LSM11: variants seen among roughly 807,000 people sequenced by gnomAD.
LSM11 encodes LSM11, U7 small nuclear RNA associated, also known as U7 snRNA-associated Sm-like protein LSm11.
LSM11 carries 14 observed loss-of-function variants against 28.1 expected under a neutral mutation model. That is an observed-to-expected ratio of 0.50 (90% CI 0.33 to 0.78). The LOEUF (loss-of-function observed/expected upper bound fraction) is 0.78, where lower values mean the gene tolerates loss of function less well. Ranked by LOEUF, LSM11 falls within the 30% of genes least tolerant of loss-of-function variation. LSM11 has a pLI of 0.02. For missense variants in LSM11, 495 were observed against 510.6 expected (o/e 0.97, Z 0.30); for synonymous variants, 207 against 214.2 (o/e 0.97, Z 0.30).
At chr5:157,752,418 C>T (rs1316393761) in intron 2 of LSM11, among the ~76,000 whole-genome samples, 1 of 152,022 alleles carries the variant, frequency 6.6e-6, no homozygotes, top group African/African-American at 2.4e-5. Context: ...GCATGAGCCA[C>T]TGCGCCCGGC....
Position 157,757,657 on chromosome 5 carries a change from A to G in LSM11, c.*2393A>G, listed in dbSNP as rs1252310739. The G allele has an allele frequency of 6.6e-6, 1 of 152,186 alleles. No homozygotes were observed. The highest frequency in any genetic ancestry group is 6.5e-5 in the Admixed American group (1 of 15,278). The allele number at this position is 152,186 out of a possible 1,614,324, so 9.4% of individuals were successfully genotyped here. On this transcript the variant is annotated 3_prime_UTR_variant, in exon 4 of 4. Coordinates refer to ENST00000286307, the MANE Select transcript of LSM11 (RefSeq NM_173491.4). ...GTGTATCTGAAATCTCAGTTCCCAA[A>G]ATAGTTGTCAGGTTTAATCATCAGG...
rs1369749439 is a variant in LSM11 at position 157,760,338 on chromosome 5, T to C, written c.*5074T>C. 2 of 152,234 alleles carry C rather than the reference T, an allele frequency of 1.3e-5. No individual in the cohort carries two copies. Among genetic ancestry groups the C allele is most frequent in the African/African-American group, 4.8e-5 (2 of 41,456 alleles). 9.4% of individuals were successfully genotyped at this position (152,234 alleles called of 1,614,324 possible). On this transcript the variant is annotated 3_prime_UTR_variant, in exon 4 of 4. Transcript: ENST00000286307. ...GGTAGCTGTCCACTTCTTTTTCTGT[T>C]GTCCTGACAGTAAAGCAAATAGTAA...
chr5:157,749,869 A>G lies in LSM11; in HGVS notation c.449-1521A>G, dbSNP rs978154566. 3.9e-5 allele frequency among the ~76,000 whole-genome samples: 6 copies of G among 152,214 alleles called. No homozygotes were observed. In the East Asian group the frequency reaches 1.2e-3, roughly 29 times the overall value. The stretch of plus-strand genomic sequence containing the variant: ...TTATAAGCCAATCCATGACAGAGGG[A>G]TAAGGTGGCTTCAGGAGGAACCAAT... On this transcript the variant is annotated intron_variant, in intron 1 of 3. Coordinates refer to ENST00000286307, the MANE Select transcript of LSM11 (RefSeq NM_173491.4).
At chr5:157,746,996 G>A (rs1181006855) in intron 1 of LSM11, among the ~76,000 whole-genome samples, 3 of 152,156 alleles carry the variant, frequency 2.0e-5, no homozygotes, top group Admixed American at 1.3e-4. Context: ...AAGGTTTTTC[G>A]TCATCATTAA....
rs1761320012 is a variant in LSM11 at position 157,755,962 on chromosome 5, A to G, written c.*698A>G. 2.9e-6 allele frequency: 1 copy of G among 350,198 alleles called. No individual in the cohort carries two copies. The highest frequency in any genetic ancestry group is 2.1e-5 in the African/African-American group (1 of 47,514). 21.7% of individuals were successfully genotyped at this position (350,198 alleles called of 1,614,324 possible). A position where few individuals can be genotyped will look rare whatever the true frequency, so the allele number is the denominator to read the frequency against. On this transcript the variant is annotated 3_prime_UTR_variant, in exon 4 of 4. Coordinates refer to ENST00000286307, the MANE Select transcript of LSM11 (RefSeq NM_173491.4). ...AGGTAGCCTCTGCAAATGGCATACC[A>G]GATGGGACTCTAAGATGCTTGTGTG...
At chr5:157,745,662 G>A (rs1363053622) in intron 1 of LSM11, among the ~76,000 whole-genome samples, 1 of 152,138 alleles carries the variant, frequency 6.6e-6, no homozygotes, top group Non-Finnish European at 1.5e-5. Flanking sequence ...TCCCTATAGA[G>A]CACTTTACTG....
chr5:157,746,143 T>G (rs1376644889), intron 1 of LSM11, among the ~76,000 whole-genome samples: 1 of 151,370 alleles, frequency 6.6e-6, no homozygotes, highest in Non-Finnish European at 1.5e-5. Context: ...TTTAAAAAAA[T>G]ATATGCCTAC....
rs376928999 is a variant in LSM11, at chr5:157,751,451, T to C, written c.510T>C (p.Asn170=). The change falls in exon 2 of 4, where the codon AAT becomes AAC. Residue 170 remains asparagine, a synonymous_variant. Transcript: ENST00000286307. ...GTATCCGTGAGGGGGTGAAGGTGAA[T>C]GTTCACATCCGCACTTTCAAGGGAC... ...HRCIREGVKV[N]VHIRTFKGLR... 115 of 1,612,562 alleles carry C rather than the reference T, an allele frequency of 7.1e-5. No individual in the cohort carries two copies. Among genetic ancestry groups the C allele is most frequent in the Non-Finnish European group, 9.0e-5 (106 of 1,179,494 alleles).
chr5:157,750,772 T>C (rs935258052), intron 1 of LSM11, among the ~76,000 whole-genome samples: 9 of 152,170 alleles, frequency 5.9e-5, no homozygotes, highest in Admixed American at 4.6e-4. Flanking sequence ...ATTTAATGTT[T>C]GCGTGCCCGT....
rs975378515 is a variant in LSM11, at chr5:157,760,309, C to T, written c.*5045C>T. The stretch of plus-strand genomic sequence containing the variant: ...GGCTGAATTATGTGTGAGCTAGAAT[C>T]TAGGGTAGCTGTCCACTTCTTTTTC... On this transcript the variant is annotated 3_prime_UTR_variant, in exon 4 of 4. Coordinates refer to ENST00000286307, the MANE Select transcript of LSM11 (RefSeq NM_173491.4). 1.3e-5 allele frequency: 2 copies of T among 152,178 alleles called. No homozygotes were observed. The highest frequency in any genetic ancestry group is 2.9e-5 in the Non-Finnish European group (2 of 68,054). 9.4% of individuals were successfully genotyped at this position (152,178 alleles called of 1,614,324 possible).
At chr5:157,753,147 G>C (rs937229272) in intron 2 of LSM11, among the ~76,000 whole-genome samples, 9 of 152,212 alleles carry the variant, frequency 5.9e-5, no homozygotes, top group Non-Finnish European at 1.3e-4. Flanking sequence ...GTAAGTGGAA[G>C]TGCCAAACTT....
intron 3 of LSM11, among the ~76,000 whole-genome samples, 162 bp from the exon 4 acceptor site, chr5:157,754,692 C>CAAA (rs34644413): frequency 6.6e-5 from 6 of 90,246 alleles, no homozygotes; most frequent in Admixed American, 1.3e-4. Flanking sequence ...ACTCCGTCTC[C>CAAA]AAAAAAAAAA....
intron 1 of LSM11, among the ~76,000 whole-genome samples, chr5:157,748,197 G>A (rs916528130): frequency 6.6e-6 from 1 of 152,160 alleles, no homozygotes; most frequent in Non-Finnish European, 1.5e-5. Flanking sequence ...AGACTCATAA[G>A]GTGACTGTTA....
chr5:157,743,725 G>A lies in LSM11; in HGVS notation c.-26G>A, dbSNP rs966341623. Reference sequence around the variant, plus strand: ...GGCGGCTTCGTTCCTTCTTCCCATCGGCCTCGGCTTGCGGGCCTTTCAAAC... The same window carrying A: ...GGCGGCTTCGTTCCTTCTTCCCATCAGCCTCGGCTTGCGGGCCTTTCAAAC... On this transcript the variant is annotated 5_prime_UTR_variant, in exon 1 of 4. Transcript: ENST00000286307. 1 of 1,318,394 alleles carries A rather than the reference G, an allele frequency of 7.6e-7. No homozygotes were observed. Among genetic ancestry groups the A allele is most frequent in the Non-Finnish European group, 9.7e-7 (1 of 1,031,652 alleles). 81.7% of individuals were successfully genotyped at this position (1,318,394 alleles called of 1,614,324 possible).
chr5:157,749,584 G>GCGCGCGCA (rs1554095378), intron 1 of LSM11, among the ~76,000 whole-genome samples: 11 of 56,288 alleles, frequency 2.0e-4, no homozygotes, highest in African/African-American at 7.1e-4. Flanking sequence ...GCGCGCGCAC[G>GCGCGCGCA]CGCGCACACA....
intron 1 of LSM11, among the ~76,000 whole-genome samples, chr5:157,748,929 T>C (rs1267639706): frequency 6.6e-6 from 1 of 152,210 alleles, no homozygotes; most frequent in Non-Finnish European, 1.5e-5. Context: ...ACCTGACTCA[T>C]ATCCATTTGG....
chr5:157,747,197 T>TA (rs1227271143), intron 1 of LSM11, among the ~76,000 whole-genome samples: 1 of 152,216 alleles, frequency 6.6e-6, no homozygotes, highest in Admixed American at 6.5e-5. Context: ...GCACCATACC[T>TA]AGCCCACGGT....
chr5:157,744,132 G>A lies in LSM11; in HGVS notation c.382G>A (p.Gly128Arg). 2.0e-6 allele frequency: 3 copies of A among 1,471,888 alleles called. No homozygotes were observed. Among genetic ancestry groups the A allele is most frequent in the Non-Finnish European group, 1.8e-6 (2 of 1,114,910 alleles). The allele number at this position is 1,471,888 out of a possible 1,614,324, so 91.2% of individuals were successfully genotyped here. A position where few individuals can be genotyped will look rare whatever the true frequency, so the allele number is the denominator to read the frequency against. The change falls in exon 1 of 4, where the codon GGA becomes AGA. Residue 128 changes from glycine to arginine, a missense_variant. By Grantham distance (125) the Gly-to-Arg change is moderately radical. Coordinates refer to ENST00000286307, the MANE Select transcript of LSM11 (RefSeq NM_173491.4). Reference sequence around the variant, plus strand: ...CAAAGAGGAAGGGGACGGGGCCGCAGGAGCGGGCCGGAGGGGTCCGGGTCG... The same window carrying A: ...CAAAGAGGAAGGGGACGGGGCCGCAAGAGCGGGCCGGAGGGGTCCGGGTCG... ...VAKEEGDGAAGAGRRGPGRSR... is the reference protein window; with the variant it reads ...VAKEEGDGAARAGRRGPGRSR...
chr5:157,753,537 A>C (rs1325481036), intron 2 of LSM11, among the ~76,000 whole-genome samples: 1 of 152,190 alleles, frequency 6.6e-6, no homozygotes. Context: ...TGCTTTCATA[A>C]GACATAGAAA....
Sources: allele counts gnomAD v4.1 joint callset (sites outside exome capture counted in the v4.1 genomes callset), GRCh38; gene constraint gnomAD v4.1.1; transcripts MANE v1.5; gene names NCBI Gene and HGNC (gene_info 2026-07-23, HGNC 2026-07-21).